Variants in TTLL5 observed in about 807,000 individuals in gnomAD.
TTLL5 encodes tubulin polyglutamylase TTLL5.
TTLL5 carries 132 observed loss-of-function variants against 168.4 expected under a neutral mutation model. That is an observed-to-expected ratio of 0.78 (90% CI 0.68 to 0.91). TTLL5 has a LOEUF of 0.91. Ranked by LOEUF, TTLL5 falls within the 40% of genes least tolerant of loss-of-function variation. The pLI, the probability that TTLL5 is intolerant of heterozygous loss-of-function variation, is 0.00. For missense variants in TTLL5, 1,545 were observed against 1,581.5 expected, an observed-to-expected ratio of 0.98 and a Z score of 0.39; for synonymous variants, 546 against 558.6, an observed-to-expected ratio of 0.98 and a Z score of 0.32.
rs539889379 is a variant in TTLL5 at position 75,790,277 on chromosome 14, A to G, written c.2987-2639A>G. On this transcript the variant is annotated intron_variant, in intron 26 of 31. Coordinates refer to ENST00000298832, the MANE Select transcript of TTLL5 (RefSeq NM_015072.5). The stretch of plus-strand genomic sequence containing the variant: ...AGAACTTGTGGTATGGAGCAAAAGT[A>G]AAAACAAAAACACAAATCGTGTAAG... 9.2e-5 allele frequency among the ~76,000 whole-genome samples: 14 copies of G among 152,286 alleles called. No individual in the cohort carries two copies. The East Asian group carries it at 2.3e-3, about 25-fold the overall frequency.
intron 28 of TTLL5, among the ~76,000 whole-genome samples, chr14:75,851,756 T>G (rs962520975): frequency 6.6e-6 from 1 of 152,178 alleles, no homozygotes; most frequent in Non-Finnish European, 1.5e-5. Context: ...TTTTTTTGGA[T>G]CCAATAGTTT....
At chr14:75,890,613 A>C (rs1183542067) in intron 30 of TTLL5, among the ~76,000 whole-genome samples, 2 of 152,214 alleles carry the variant, frequency 1.3e-5, no homozygotes, top group Admixed American at 1.3e-4. Context: ...GAAATTTTCA[A>C]ACTGCCTAAA....
intron 30 of TTLL5, among the ~76,000 whole-genome samples, chr14:75,884,958 C>G (rs1027160243): frequency 6.6e-6 from 1 of 150,610 alleles, no homozygotes. Flanking sequence ...ATCACGAGGT[C>G]AGGAGATCGA....
At position 75,681,527 on chromosome 14, in the gene TTLL5, GAT is replaced by G. The variant is rs1566812279; in HGVS notation, c.182-17_182-16del. The G allele has an allele frequency of 6.2e-7, 1 of 1,609,188 alleles. No homozygotes were observed. Among genetic ancestry groups the G allele is most frequent in the East Asian group, 2.2e-5 (1 of 44,832 alleles). On this transcript the variant is annotated splice_polypyrimidine_tract_variant and intron_variant, in intron 3 of 31. Coordinates refer to ENST00000298832, the MANE Select transcript of TTLL5 (RefSeq NM_015072.5). ...AGTTAACTTTCTAGTTACTGAACTT[GAT>G]TCTGTTTTTCTTTAGAACGTTATCA... is the stretch of plus-strand genomic sequence containing the variant.
At chr14:75,815,107 G>A (rs1894313982) in intron 27 of TTLL5, among the ~76,000 whole-genome samples, 1 of 152,190 alleles carries the variant, frequency 6.6e-6, no homozygotes, top group African/African-American at 2.4e-5. Context: ...TTAGCAGTAT[G>A]AGTCCTAGGA....
chr14:75,906,655 G>A (rs955328676), intron 31 of TTLL5: 4 of 985,802 alleles, frequency 4.1e-6, no homozygotes, highest in Non-Finnish European at 4.8e-6. Context: ...AATCAAAGTC[G>A]GTGAAGTCAG....
At chr14:75,862,817 A>C (rs2030136926) in intron 28 of TTLL5, among the ~76,000 whole-genome samples, 1 of 152,130 alleles carries the variant, frequency 6.6e-6, no homozygotes, top group Non-Finnish European at 1.5e-5. Context: ...ATGATGGCAC[A>C]CACCTAGAAT....
At chr14:75,892,430 C>T (rs1312397413) in intron 30 of TTLL5, among the ~76,000 whole-genome samples, 1 of 152,214 alleles carries the variant, frequency 6.6e-6, no homozygotes, top group Non-Finnish European at 1.5e-5. Flanking sequence ...AAGTGCCCTA[C>T]AAGAGGAGAA....
Position 75,663,111 on chromosome 14 carries a change from G to A in TTLL5, c.-39G>A, listed in dbSNP as rs1187856188. On this transcript the variant is annotated 5_prime_UTR_variant, in exon 2 of 32. Transcript: ENST00000298832. ...TGAATCTGCTAGGAAAGGTCTCTGA[G>A]GCCCCCGTCTGCTGACTGCATGACA... 3 of 1,601,016 alleles carry A rather than the reference G, an allele frequency of 1.9e-6. No homozygotes were observed. The African/African-American group carries it at 4.0e-5, about 21-fold the overall frequency.
intron 9 of TTLL5, chr14:75,709,209 G>C (rs755241720): frequency 2.6e-6 from 2 of 762,158 alleles, no homozygotes; most frequent in South Asian, 2.7e-5. Context: ...GAAATACCAT[G>C]GATAAAAGAA....
chr14:75,854,621 C>A (rs1897040490), intron 28 of TTLL5, among the ~76,000 whole-genome samples: 1 of 152,142 alleles, frequency 6.6e-6, no homozygotes, highest in Non-Finnish European at 1.5e-5. Context: ...TCATTTTACA[C>A]CCCCGTCAGC....
chr14:75,759,466 A>G (rs972669891), intron 18 of TTLL5, among the ~76,000 whole-genome samples: 24 of 152,170 alleles, frequency 1.6e-4, no homozygotes, highest in African/African-American at 5.3e-4. Flanking sequence ...GAGGAATAAT[A>G]ACACCAATCT....
At chr14:75,745,052 A>G (rs770742439) in intron 15 of TTLL5, 43 bp from the exon 16 acceptor site, 1 of 1,552,870 alleles carries the variant, frequency 6.4e-7, no homozygotes, top group Non-Finnish European at 8.8e-7. Flanking sequence ...AGTAATGAAA[A>G]CTTAAAAAAT....
intron 26 of TTLL5, among the ~76,000 whole-genome samples, chr14:75,790,864 A>G (rs2082066988): frequency 6.7e-6 from 1 of 150,244 alleles, no homozygotes; most frequent in African/African-American, 2.4e-5. Flanking sequence ...TGGGAGGCCA[A>G]GGCAGACGGA....
Position 75,942,477 on chromosome 14 carries a change from T to TAAGATGCGATCTC in TTLL5, c.3824-11946_3824-11945insAGATGCGATCTCA, listed in dbSNP as rs1208523964. On this transcript the variant is annotated intron_variant, in intron 31 of 31. Coordinates refer to ENST00000298832, the MANE Select transcript of TTLL5 (RefSeq NM_015072.5). ...GATGCGATCTCAGCACTTAAGAGTG[T>TAAGATGCGATCTC]AGCAGTGAAAATAAGCAGTATATGC... 3.9e-4 allele frequency among the ~76,000 whole-genome samples: 60 copies of TAAGATGCGATCTC among 152,290 alleles called. No homozygotes were observed. In the South Asian group the frequency reaches 0.01, roughly 26 times the overall value.
intron 31 of TTLL5, among the ~76,000 whole-genome samples, chr14:75,936,017 C>G (rs1219397969): frequency 1.3e-5 from 2 of 152,128 alleles, no homozygotes; most frequent in East Asian, 1.9e-4. Flanking sequence ...ATGCTCTATT[C>G]TCTTAAATAG....
At chr14:75,689,307 T>C (rs566943669) in intron 5 of TTLL5, 2 of 152,338 alleles carry the variant, frequency 1.3e-5, no homozygotes, top group East Asian at 1.9e-4. Flanking sequence ...ATAAAGGACC[T>C]TGGGACAGAA....
chr14:75,821,381 C>T (rs1374357140), intron 28 of TTLL5, among the ~76,000 whole-genome samples: 1 of 152,178 alleles, frequency 6.6e-6, no homozygotes, highest in East Asian at 1.9e-4. Context: ...CAGTCATAAA[C>T]AAGAAATTCT....
intron 29 of TTLL5, among the ~76,000 whole-genome samples, chr14:75,873,864 T>A (rs2031246024): frequency 6.6e-6 from 1 of 152,106 alleles, no homozygotes; most frequent in Admixed American, 6.5e-5. Flanking sequence ...TACTTAAACC[T>A]TCCGGGCCAG....
Sources: allele counts gnomAD v4.1 joint callset (sites outside exome capture counted in the v4.1 genomes callset), GRCh38; gene constraint gnomAD v4.1.1; transcripts MANE v1.5; gene names NCBI Gene and HGNC (gene_info 2026-07-23, HGNC 2026-07-21).